Variants in GABRG1 observed in about 807,000 individuals in gnomAD.
GABRG1 encodes the protein gamma-aminobutyric acid type A receptor subunit gamma1.
In GABRG1, 49 loss-of-function variants were observed where a neutral mutation model predicts 49.8. The ratio of observed to expected loss-of-function variants is 0.98; its 90% CI spans 0.78 to 1.25. The LOEUF is 1.25. Among genes scored for constraint, GABRG1 ranks in the 50% most tolerant of loss-of-function variants. GABRG1 has a pLI of 0.00. For synonymous variants in GABRG1, 232 were observed against 185.1 expected (o/e 1.25, Z -2.06); for missense variants, 552 against 552.3 (o/e 1.00, Z 0.01).
chr4:46,082,461 T>G (rs1268416593), intron 3 of GABRG1, among the ~76,000 whole-genome samples: 1 of 151,876 alleles, frequency 6.6e-6, no homozygotes, highest in Non-Finnish European at 1.5e-5. Context: ...AACCAGCACA[T>G]GACTACATCA....
intron 1 of GABRG1, among the ~76,000 whole-genome samples, chr4:46,115,900 TA>T (rs1655765562): frequency 6.6e-6 from 1 of 150,724 alleles, no homozygotes; most frequent in Non-Finnish European, 1.5e-5. Flanking sequence ...AGAATACATT[TA>T]AAAAATTAAT....
intron 1 of GABRG1, among the ~76,000 whole-genome samples, chr4:46,116,843 G>A (rs1720909373): frequency 6.6e-6 from 1 of 150,784 alleles, no homozygotes; most frequent in African/African-American, 2.4e-5. Context: ...ACAGGCATCT[G>A]AATTAATACT....
In GABRG1 at chr4:46,123,822, T is replaced by TGCAGGGTCAGTA; in HGVS notation, c.80_91dup (p.Leu27_Leu30dup). On this transcript the variant is annotated inframe_insertion, in exon 1 of 9. Coordinates refer to ENST00000295452, the MANE Select transcript of GABRG1 (RefSeq NM_173536.4). ...TGAATTTACTCACCAGTTTCCCAAATGCAGGGTCAGTAACAAGAAGACCAA... is the reference window on the plus strand; with the variant it reads ...TGAATTTACTCACCAGTTTCCCAAATGCAGGGTCAGTAGCAGGGTCAGTAACAAGAAGACCAA... 1 of 1,613,104 alleles carries TGCAGGGTCAGTA rather than the reference T, an allele frequency of 6.2e-7. No individual in the cohort carries two copies. Among genetic ancestry groups the TGCAGGGTCAGTA allele is most frequent in the Non-Finnish European group, 8.5e-7 (1 of 1,179,272 alleles).
chr4:46,115,917 C>T (rs945668132), intron 1 of GABRG1, among the ~76,000 whole-genome samples: 58 of 150,298 alleles, frequency 3.9e-4, no homozygotes, highest in African/African-American at 1.0e-3. Context: ...TTAATTGGTA[C>T]GGTGGCATGT....
At chr4:46,080,222 T>A (rs1719513407) in intron 3 of GABRG1, among the ~76,000 whole-genome samples, 1 of 151,846 alleles carries the variant, frequency 6.6e-6, no homozygotes, top group Admixed American at 6.6e-5. Context: ...TAATTTTGTT[T>A]CTTACTGGTC....
chr4:46,072,079 C>G (rs1190103368), intron 3 of GABRG1, among the ~76,000 whole-genome samples: 1 of 151,920 alleles, frequency 6.6e-6, no homozygotes, highest in African/African-American at 2.4e-5. Flanking sequence ...ATCTTTTATA[C>G]CATATTTTTA....
At chr4:46,113,715 G>A (rs919183564) in intron 1 of GABRG1, among the ~76,000 whole-genome samples, 1 of 151,056 alleles carries the variant, frequency 6.6e-6, no homozygotes. Flanking sequence ...ACTCCAAAAT[G>A]GTAGAAGGTG....
chr4:46,088,677 T>C (rs1204325954), intron 2 of GABRG1, among the ~76,000 whole-genome samples: 1 of 151,802 alleles, frequency 6.6e-6, no homozygotes, highest in Non-Finnish European at 1.5e-5. Context: ...AATATTTCAT[T>C]ATAAATTACT....
intron 1 of GABRG1, among the ~76,000 whole-genome samples, chr4:46,106,438 C>A (rs994042402): frequency 4.6e-5 from 7 of 151,408 alleles, no homozygotes; most frequent in African/African-American, 1.2e-4. Flanking sequence ...AAATCTTATA[C>A]AACAAAAGAC....
intron 3 of GABRG1, among the ~76,000 whole-genome samples, chr4:46,066,736 T>A (rs1483011274): frequency 1.3e-5 from 2 of 151,988 alleles, no homozygotes; most frequent in Non-Finnish European, 2.9e-5. Context: ...TACCTTTGTA[T>A]CCTGACAAAA....
At position 46,118,967 on chromosome 4, in the gene GABRG1, G is replaced by T. The variant is rs369960549; in HGVS notation, c.104+4843C>A. 7.9e-5 allele frequency among the ~76,000 whole-genome samples: 12 copies of T among 151,246 alleles called. No individual in the cohort carries two copies. The East Asian group carries it at 2.1e-3, about 27-fold the overall frequency. On this transcript the variant is annotated intron_variant, in intron 1 of 8. Coordinates refer to ENST00000295452, the MANE Select transcript of GABRG1 (RefSeq NM_173536.4). The stretch of plus-strand genomic sequence containing the variant: ...CATATAATTTCTACTACTTGGTTAT[G>T]GTTTGTCTACTACATCTATACATAA...
intron 7 of GABRG1, among the ~76,000 whole-genome samples, chr4:46,051,884 T>G (rs1034682224): frequency 6.6e-6 from 1 of 151,838 alleles, no homozygotes; most frequent in Non-Finnish European, 1.5e-5. Flanking sequence ...CATTCTTCCC[T>G]TCCTCCATTG....
chr4:46,078,168 T>G (rs1055905294), intron 3 of GABRG1, among the ~76,000 whole-genome samples: 1 of 151,972 alleles, frequency 6.6e-6, no homozygotes, highest in Non-Finnish European at 1.5e-5. Flanking sequence ...AATAAACTTA[T>G]AATAGATTTT....
chr4:46,093,620 AAT>A (rs967291885), intron 2 of GABRG1, among the ~76,000 whole-genome samples: 3 of 152,028 alleles, frequency 2.0e-5, no homozygotes, highest in Non-Finnish European at 2.9e-5. Context: ...ACCAAAAAGA[AAT>A]GATAAATACT....
intron 3 of GABRG1, among the ~76,000 whole-genome samples, chr4:46,081,693 A>G (rs1249950311): frequency 6.6e-6 from 1 of 151,870 alleles, no homozygotes; most frequent in East Asian, 1.9e-4. Context: ...TTATGGGCTG[A>G]ACCCCCTAAA....
intron 1 of GABRG1, 40 bp from the exon 2 acceptor site, chr4:46,097,389 A>G (rs1191617342): frequency 1.3e-6 from 2 of 1,563,048 alleles, no homozygotes; most frequent in Admixed American, 3.8e-5. Flanking sequence ...TAGAAGGTTC[A>G]ATCAAATCAT....
chr4:46,087,021 C>G (rs917185696), intron 2 of GABRG1, among the ~76,000 whole-genome samples: 4 of 151,668 alleles, frequency 2.6e-5, no homozygotes, highest in African/African-American at 4.8e-5. Flanking sequence ...AATTGTTTCT[C>G]ATAAATGTAC....
chr4:46,056,150 T>TAAAAAAAAAAAAAAAAAA, intron 7 of GABRG1, among the ~76,000 whole-genome samples: 1 of 46,018 alleles, frequency 2.2e-5, no homozygotes, highest in Non-Finnish European at 5.2e-5. Flanking sequence ...AATAAATAAA[T>TAAAAAAAAAAAAAAAAAA]TAAAAAAAAA....
intron 3 of GABRG1, among the ~76,000 whole-genome samples, chr4:46,070,484 C>T (rs1369593052): frequency 6.6e-6 from 1 of 151,886 alleles, no homozygotes; most frequent in African/African-American, 2.4e-5. Context: ...ACAAGGTCAG[C>T]TTCCAGACCT....
Sources: allele counts gnomAD v4.1 joint callset (sites outside exome capture counted in the v4.1 genomes callset), GRCh38; gene constraint gnomAD v4.1.1; transcripts MANE v1.5; gene names NCBI Gene and HGNC (gene_info 2026-07-23, HGNC 2026-07-21).